ILRUN: variants seen among roughly 807,000 people sequenced by gnomAD.
ILRUN encodes protein ILRUN.
ILRUN carries 3 observed loss-of-function variants against 33.8 expected under a neutral mutation model. The observed-to-expected ratio is 0.09, with a 90% CI of 0.04 to 0.23. ILRUN has a LOEUF of 0.23. Among genes scored for constraint, ILRUN ranks in the 10% least tolerant of loss-of-function variants. ILRUN has a pLI of 1.00. For synonymous variants in ILRUN, 124 were observed against 138.9 expected, an observed-to-expected ratio of 0.89 and a Z score of 0.75; for missense variants, 210 against 375.1, an observed-to-expected ratio of 0.56 and a Z score of 3.64.
At chr6:34,627,704 C>CTTTTTT (rs71000075) in intron 3 of ILRUN, among the ~76,000 whole-genome samples, 4 of 134,910 alleles carry the variant, frequency 3.0e-5, no homozygotes, top group Non-Finnish European at 4.8e-5. Flanking sequence ...GTCTTTGGCC[C>CTTTTTT]TTTTTTTTTT....
At chr6:34,637,381 C>T (rs1762385156) in intron 3 of ILRUN, among the ~76,000 whole-genome samples, 1 of 152,032 alleles carries the variant, frequency 6.6e-6, no homozygotes, top group Non-Finnish European at 1.5e-5. Flanking sequence ...CAGAATTGTA[C>T]TTGATTTTAA....
chr6:34,683,501 T>TATAC (rs1763445788), intron 1 of ILRUN, among the ~76,000 whole-genome samples: 9 of 91,930 alleles, frequency 9.8e-5, no homozygotes, highest in African/African-American at 4.7e-4. Flanking sequence ...TATATATACA[T>TATAC]ATATATATAT....
At chr6:34,611,868 A>C (rs890473692) in intron 3 of ILRUN, among the ~76,000 whole-genome samples, 6 of 152,162 alleles carry the variant, frequency 3.9e-5, no homozygotes, top group Non-Finnish European at 8.8e-5. Flanking sequence ...CACACCTAAC[A>C]GGAACATAGG....
chr6:34,595,995 C>CTT, intron 4 of ILRUN: 1 of 893,884 alleles, frequency 1.1e-6, no homozygotes, highest in Non-Finnish European at 1.3e-6. Flanking sequence ...TAAGTCCTGT[C>CTT]CTGATTTATA....
chr6:34,633,883 G>A (rs1475280834), intron 3 of ILRUN, among the ~76,000 whole-genome samples: 1 of 31,832 alleles, frequency 3.1e-5, no homozygotes, highest in Admixed American at 2.3e-4. Context: ...GAGGGAGAGA[G>A]GGAGGGAGGG....
intron 4 of ILRUN, among the ~76,000 whole-genome samples, chr6:34,601,602 A>C (rs1761509109): frequency 6.6e-6 from 1 of 152,152 alleles, no homozygotes; most frequent in South Asian, 2.1e-4. Context: ...TTATTATGTT[A>C]AACTTTTTGG....
At chr6:34,638,712 A>G (rs1010111766) in intron 3 of ILRUN, among the ~76,000 whole-genome samples, 3 of 149,164 alleles carry the variant, frequency 2.0e-5, no homozygotes, top group African/African-American at 7.4e-5. Context: ...CTCAAAAAAG[A>G]AAAAAAAAAC....
intron 3 of ILRUN, among the ~76,000 whole-genome samples, chr6:34,626,848 T>G (rs1290342319): frequency 6.6e-6 from 1 of 151,886 alleles, no homozygotes; most frequent in East Asian, 1.9e-4. Context: ...CTACTAAAAA[T>G]ACAAAAATAA....
chr6:34,594,746 G>C (rs205263), intron 4 of ILRUN, among the ~76,000 whole-genome samples: 23,945 of 152,226 alleles, frequency 0.16, 2,503 homozygotes, highest in African/African-American at 0.29. Flanking sequence ...CTGCTCACCA[G>C]TGTTGGGGAA....
At chr6:34,680,616 C>A (rs953769438) in intron 1 of ILRUN, among the ~76,000 whole-genome samples, 1 of 152,054 alleles carries the variant, frequency 6.6e-6, no homozygotes, top group Admixed American at 6.6e-5. Flanking sequence ...AGGCACCTGG[C>A]TAAATTTTGT....
At chr6:34,681,294 GT>G in intron 1 of ILRUN, among the ~76,000 whole-genome samples, 1 of 152,112 alleles carries the variant, frequency 6.6e-6, no homozygotes, top group African/African-American at 2.4e-5. Flanking sequence ...TAAAAGGTGG[GT>G]TTTTTAAACC....
intron 1 of ILRUN, among the ~76,000 whole-genome samples, chr6:34,691,034 G>A (rs1386929349): frequency 6.6e-6 from 1 of 152,008 alleles, no homozygotes; most frequent in East Asian, 1.9e-4. Flanking sequence ...ACAGGTGCCC[G>A]TCACCAGGCC....
Position 34,683,495 on chromosome 6 carries a change from T to TAC in ILRUN, c.158+12950_158+12951insGT, listed in dbSNP as rs1423900408. Among the ~76,000 whole-genome samples, 219 of 91,958 alleles carry TAC rather than the reference T, an allele frequency of 2.4e-3. 3 individuals carry two copies. The highest frequency in any genetic ancestry group is 0.013 in the African/African-American group (204 of 15,286). The allele number at this position is 91,958 out of a possible 152,430, so 60.3% of individuals were successfully genotyped here. A position where few individuals can be genotyped will look rare whatever the true frequency, so the allele number is the denominator to read the frequency against. On this transcript the variant is annotated intron_variant, in intron 1 of 4. Coordinates refer to ENST00000374023, the MANE Select transcript of ILRUN (RefSeq NM_024294.4). ...ATACACATATATATATACATATATA[T>TAC]ATACATATATATATATATACATATA...
intron 1 of ILRUN, among the ~76,000 whole-genome samples, chr6:34,686,314 C>A (rs990429868): frequency 3.3e-5 from 5 of 151,520 alleles, no homozygotes; most frequent in Non-Finnish European, 1.5e-5. Context: ...TCCTGGCTAA[C>A]ACAGTGAAAC....
chr6:34,604,785 T>A (rs1194496379), intron 4 of ILRUN, among the ~76,000 whole-genome samples: 2 of 152,210 alleles, frequency 1.3e-5, no homozygotes, highest in African/African-American at 4.8e-5. Flanking sequence ...CCTATACAAT[T>A]AACACTAATC....
At chr6:34,612,250 G>A (rs1008107941) in intron 3 of ILRUN, among the ~76,000 whole-genome samples, 5 of 151,846 alleles carry the variant, frequency 3.3e-5, no homozygotes, top group Non-Finnish European at 5.9e-5. Flanking sequence ...GGCAACAACG[G>A]TGAAACACTG....
At chr6:34,596,835 A>G (rs528402425) in intron 4 of ILRUN, among the ~76,000 whole-genome samples, 45 of 152,242 alleles carry the variant, frequency 3.0e-4, no homozygotes, top group African/African-American at 1.0e-3. Flanking sequence ...AGCTCTGTAA[A>G]AACAACTTGT....
intron 2 of ILRUN, among the ~76,000 whole-genome samples, chr6:34,652,702 CA>C (rs1391570491): frequency 1.3e-5 from 2 of 152,182 alleles, no homozygotes; most frequent in Non-Finnish European, 2.9e-5. Context: ...GGCACCCCCA[CA>C]AACACGTATT....
intron 1 of ILRUN, among the ~76,000 whole-genome samples, chr6:34,683,432 A>ATATACATAT: frequency 2.2e-5 from 1 of 45,926 alleles, no homozygotes; most frequent in Non-Finnish European, 3.6e-5. Context: ...ATATATACAT[A>ATATACATAT]TATATATACA....
Sources: allele counts gnomAD v4.1 joint callset (sites outside exome capture counted in the v4.1 genomes callset), GRCh38; gene constraint gnomAD v4.1.1; transcripts MANE v1.5; gene names NCBI Gene and HGNC (gene_info 2026-07-23, HGNC 2026-07-21).